PPARGC1A: variants seen among roughly 807,000 people sequenced by gnomAD.
PPARGC1A encodes PPARG coactivator 1 alpha, also known as peroxisome proliferator-activated receptor gamma coactivator 1-alpha.
In PPARGC1A, 25 loss-of-function variants were observed where a neutral mutation model predicts 88.7. The ratio of observed to expected loss-of-function variants is 0.28; its 90% CI spans 0.21 to 0.39. PPARGC1A has a LOEUF of 0.39. PPARGC1A is among the 10% of genes least tolerant of loss of function. The pLI, the probability that PPARGC1A is intolerant of heterozygous loss-of-function variation, is 1.00. For synonymous variants in PPARGC1A, 363 were observed against 355.6 expected, an observed-to-expected ratio of 1.02 and a Z score of -0.24; for missense variants, 880 against 968.7, an observed-to-expected ratio of 0.91 and a Z score of 1.22.
At chr4:23,967,916 G>A in the PPARGC1A span, among the ~76,000 whole-genome samples, 1 of 152,250 alleles carries the variant, frequency 6.6e-6, no homozygotes, top group East Asian at 1.9e-4. Flanking sequence ...ATCAAAAGAA[G>A]CCTTCCCAGA....
intron 1 of PPARGC1A, among the ~76,000 whole-genome samples, chr4:23,885,917 C>A (rs571240677): frequency 6.6e-6 from 1 of 152,258 alleles, no homozygotes; most frequent in African/African-American, 2.4e-5. Context: ...AGCATTTCAT[C>A]CCCTTACATG....
chr4:24,205,534 G>T, the PPARGC1A span, among the ~76,000 whole-genome samples: 5 of 152,236 alleles, frequency 3.3e-5, no homozygotes, highest in Admixed American at 1.3e-4. Context: ...ATTTAGCAGA[G>T]AATTTGTTAT....
chr4:24,241,410 C>T, the PPARGC1A span, among the ~76,000 whole-genome samples: 3 of 152,324 alleles, frequency 2.0e-5, no homozygotes, highest in African/African-American at 7.2e-5. Context: ...TCCCTGGCCT[C>T]CCCTTCCCCC....
At chr4:24,065,975 T>A in the PPARGC1A span, among the ~76,000 whole-genome samples, 2 of 152,300 alleles carry the variant, frequency 1.3e-5, no homozygotes, top group East Asian at 1.9e-4. Flanking sequence ...AGATACTAAG[T>A]TCCCACCAAC....
upstream of PPARGC1A, among the ~76,000 whole-genome samples, chr4:23,903,342 C>T (rs573274581): frequency 1.3e-5 from 2 of 152,254 alleles, no homozygotes; most frequent in South Asian, 4.1e-4. Flanking sequence ...TGTTTTCCAC[C>T]TATTTTGTGT....
the PPARGC1A span, among the ~76,000 whole-genome samples, chr4:24,276,665 T>G: frequency 1.3e-5 from 2 of 152,246 alleles, no homozygotes; most frequent in Non-Finnish European, 2.9e-5. Context: ...ATTCATTCTT[T>G]GCCTCTTAAA....
the PPARGC1A span, among the ~76,000 whole-genome samples, chr4:24,320,596 C>T: frequency 1.3e-5 from 2 of 151,776 alleles, no homozygotes; most frequent in African/African-American, 2.4e-5. Context: ...TAACGGGTAA[C>T]GAATGTCCTT....
chr4:24,141,822 A>G, the PPARGC1A span, among the ~76,000 whole-genome samples: 19 of 152,210 alleles, frequency 1.2e-4, no homozygotes, highest in Non-Finnish European at 2.1e-4. Flanking sequence ...AAGCAAAGAA[A>G]GAAACACTCA....
the PPARGC1A span, among the ~76,000 whole-genome samples, chr4:23,934,607 T>C: frequency 3.9e-5 from 6 of 152,182 alleles, no homozygotes; most frequent in African/African-American, 9.6e-5. Flanking sequence ...AGACTCTCTA[T>C]TGACTAATCA....
At chr4:24,139,141 T>A in the PPARGC1A span, among the ~76,000 whole-genome samples, 1 of 152,014 alleles carries the variant, frequency 6.6e-6, no homozygotes, top group Non-Finnish European at 1.5e-5. Context: ...CAGAAACTTT[T>A]TTTTTTTTTT....
chr4:24,140,570 T>C, the PPARGC1A span, among the ~76,000 whole-genome samples: 1 of 152,176 alleles, frequency 6.6e-6, no homozygotes, highest in African/African-American at 2.4e-5. Context: ...GCTCTAGAAA[T>C]TCCTAAAAGG....
intron 2 of PPARGC1A, among the ~76,000 whole-genome samples, chr4:23,869,525 T>C (rs969726759): frequency 3.3e-5 from 5 of 152,120 alleles, no homozygotes; most frequent in African/African-American, 1.2e-4. Flanking sequence ...CCTAGGTTTT[T>C]AGACAGAAAT....
At chr4:24,126,969 G>A in the PPARGC1A span, among the ~76,000 whole-genome samples, 56 of 152,142 alleles carry the variant, frequency 3.7e-4, no homozygotes, top group Non-Finnish European at 6.3e-4. Flanking sequence ...AAAAGGACAC[G>A]TTGGCCTGGG....
the PPARGC1A span, among the ~76,000 whole-genome samples, chr4:23,967,026 A>G: frequency 2.0e-5 from 3 of 152,110 alleles, no homozygotes; most frequent in Admixed American, 6.5e-5. Context: ...CATATGCAAA[A>G]CTCATTTGAG....
At chr4:24,140,452 C>T in the PPARGC1A span, among the ~76,000 whole-genome samples, 1 of 152,086 alleles carries the variant, frequency 6.6e-6, no homozygotes, top group Non-Finnish European at 1.5e-5. Context: ...GGTCATTGGA[C>T]AATGCTACAT....
chr4:24,133,345 A>T, the PPARGC1A span, among the ~76,000 whole-genome samples: 413 of 152,336 alleles, frequency 2.7e-3, 2 homozygotes, highest in Non-Finnish European at 4.4e-3. Context: ...AAATCTTCAA[A>T]TGCAAGTCTA....
chr4:24,113,978 G>A, the PPARGC1A span, among the ~76,000 whole-genome samples: 1 of 151,998 alleles, frequency 6.6e-6, no homozygotes, highest in Non-Finnish European at 1.5e-5. Context: ...ACAAAAAATA[G>A]TTGGGCGTGG....
chr4:24,030,790 T>C, the PPARGC1A span, among the ~76,000 whole-genome samples: 1 of 152,122 alleles, frequency 6.6e-6, no homozygotes, highest in Non-Finnish European at 1.5e-5. Context: ...TAGACTGGAA[T>C]GGAAGGTGGA....
the PPARGC1A span, among the ~76,000 whole-genome samples, chr4:24,245,297 T>C: frequency 1.3e-5 from 2 of 152,204 alleles, no homozygotes; most frequent in African/African-American, 4.8e-5. Flanking sequence ...AATAAAGCAT[T>C]GGAGCGTCTT....
Sources: gnomAD v4.1 joint callset for allele counts (sites outside exome capture counted in the v4.1 genomes callset) on GRCh38, gnomAD v4.1.1 for gene constraint, MANE v1.5 for transcripts, NCBI Gene and HGNC (gene_info 2026-07-23, HGNC 2026-07-21) for gene names.